THSD7A: variants seen among roughly 807,000 people sequenced by gnomAD.
THSD7A encodes the protein thrombospondin type-1 domain-containing protein 7A.
Under a neutral mutation model 231.3 loss-of-function variants are expected in THSD7A, and 96 were observed. The ratio of observed to expected loss-of-function variants is 0.41; its 90% confidence interval spans 0.35 to 0.49. The LOEUF (loss-of-function observed/expected upper bound fraction) is 0.49, where lower values mean the gene tolerates loss of function less well. Among genes scored for constraint, THSD7A ranks in the 20% least tolerant of loss-of-function variants. THSD7A has a pLI of 0.05. For missense variants in THSD7A, 2,290 were observed against 2,070.2 expected (o/e 1.11, Z -2.06); for synonymous variants, 940 against 743.3 (o/e 1.26, Z -4.30).
At chr7:11,534,761 G>C (rs1005167046) in intron 6 of THSD7A, among the ~76,000 whole-genome samples, 3 of 152,176 alleles carry the variant, frequency 2.0e-5, no homozygotes, top group African/African-American at 7.2e-5. Flanking sequence ...GCAAGCAAGA[G>C]GCTCACTAAT....
intron 23 of THSD7A, among the ~76,000 whole-genome samples, chr7:11,394,274 C>T (rs1045004394): frequency 6.6e-6 from 1 of 152,024 alleles, no homozygotes; most frequent in Non-Finnish European, 1.5e-5. Flanking sequence ...GCTTCATAAG[C>T]AAAGGAGAAA....
At chr7:11,713,922 AG>A (rs1781046052) in intron 1 of THSD7A, among the ~76,000 whole-genome samples, 1 of 151,340 alleles carries the variant, frequency 6.6e-6, no homozygotes, top group South Asian at 2.1e-4. Context: ...GGTCAATCAA[AG>A]ACAGTTCTTT....
intron 1 of THSD7A, among the ~76,000 whole-genome samples, chr7:11,685,203 C>T (rs997067780): frequency 5.3e-5 from 8 of 151,820 alleles, no homozygotes; most frequent in Non-Finnish European, 1.0e-4. Context: ...CTATACCTCT[C>T]ATCATATACA....
At chr7:11,610,378 G>C (rs1471977170) in intron 2 of THSD7A, among the ~76,000 whole-genome samples, 1 of 152,046 alleles carries the variant, frequency 6.6e-6, no homozygotes, top group Admixed American at 6.6e-5. Flanking sequence ...CATTTGATAA[G>C]CATGATGTAG....
At chr7:11,703,765 T>C (rs1459029441) in intron 1 of THSD7A, among the ~76,000 whole-genome samples, 1 of 151,192 alleles carries the variant, frequency 6.6e-6, no homozygotes, top group Non-Finnish European at 1.5e-5. Flanking sequence ...TAGACTTGGA[T>C]GGACAATAGA....
At chr7:11,817,296 G>A (rs1368192859) in intron 1 of THSD7A, among the ~76,000 whole-genome samples, 1 of 152,158 alleles carries the variant, frequency 6.6e-6, no homozygotes, top group Non-Finnish European at 1.5e-5. Context: ...GGTTTTACAA[G>A]CAAAGGAACT....
At chr7:11,741,547 AT>A (rs1782115681) in intron 1 of THSD7A, among the ~76,000 whole-genome samples, 1 of 151,928 alleles carries the variant, frequency 6.6e-6, no homozygotes, top group Non-Finnish European at 1.5e-5. Flanking sequence ...ATGTTGCATT[AT>A]TTTTATAATA....
chr7:11,672,048 A>G (rs1366653300), intron 1 of THSD7A, among the ~76,000 whole-genome samples: 1 of 152,184 alleles, frequency 6.6e-6, no homozygotes, highest in Non-Finnish European at 1.5e-5. Context: ...GGGATAATTT[A>G]AATGTTAACT....
chr7:11,564,024 A>G (rs1790192115), intron 4 of THSD7A, among the ~76,000 whole-genome samples: 1 of 152,170 alleles, frequency 6.6e-6, no homozygotes. Flanking sequence ...ACATTTTTAC[A>G]TAAACCTGTT....
chr7:11,647,322 G>C (rs1432602162), intron 1 of THSD7A, among the ~76,000 whole-genome samples: 1 of 152,012 alleles, frequency 6.6e-6, no homozygotes, highest in African/African-American at 2.4e-5. Context: ...TGACTCAGGG[G>C]AACGATGGAG....
intron 6 of THSD7A, among the ~76,000 whole-genome samples, chr7:11,518,692 T>TCA (rs1173818397): frequency 6.6e-6 from 1 of 152,158 alleles, no homozygotes; most frequent in African/African-American, 2.4e-5. Context: ...TTGCTATGCA[T>TCA]GTGCTATGTG....
At position 11,411,826 on chromosome 7, in the gene THSD7A, A is replaced by C. The variant is rs1011496845; in HGVS notation, c.3683-504T>G. Among the ~76,000 whole-genome samples the C allele has an allele frequency of 6.6e-6, 1 of 152,216 alleles. No individual in the cohort carries two copies. The highest frequency in any genetic ancestry group is 1.9e-4 in the East Asian group (1 of 5,168). ...AAAATCACTTTGGCCATATTTATTC[A>C]TTCTCTTATGTCTTTCGTAAGAAGA... On this transcript the variant is annotated intron_variant, in intron 18 of 27. Coordinates refer to ENST00000423059, the MANE Select transcript of THSD7A (RefSeq NM_015204.3). This position sits in a 1 kb window ranked among gnomAD's most constrained non-coding sequence, Gnocchi z 4.1.
intron 1 of THSD7A, among the ~76,000 whole-genome samples, chr7:11,644,581 T>C (rs1562437271): frequency 6.6e-6 from 1 of 151,962 alleles, no homozygotes; most frequent in Non-Finnish European, 1.5e-5. Context: ...AGCTTTCACC[T>C]TCAATGAGTA....
Position 11,548,996 on chromosome 7 carries a change from A to G in THSD7A, c.1454-5879T>C, listed in dbSNP as rs537088642. Among the ~76,000 whole-genome samples the G allele has an allele frequency of 1.1e-3, 173 of 152,268 alleles. 1 individual carries two copies. The Middle Eastern group carries it at 0.014, about 12-fold the overall frequency. On this transcript the variant is annotated intron_variant, in intron 4 of 27. Transcript: ENST00000423059. The stretch of plus-strand genomic sequence containing the variant: ...CTACACAATAGGAGAAAAGTTTTGC[A>G]ATCTATCCATCTGACAAAGGTCTAA...
intron 1 of THSD7A, among the ~76,000 whole-genome samples, chr7:11,680,264 G>A (rs970746457): frequency 2.6e-5 from 4 of 152,128 alleles, no homozygotes; most frequent in Admixed American, 2.6e-4. Flanking sequence ...GAAAACCTAG[G>A]CAATACCATT....
At chr7:11,415,658 T>TA (rs1228061100) in intron 17 of THSD7A, among the ~76,000 whole-genome samples, 3 of 152,194 alleles carry the variant, frequency 2.0e-5, no homozygotes, top group Non-Finnish European at 2.9e-5. Context: ...CACAGGAATA[T>TA]AACTATTTGC....
intron 6 of THSD7A, among the ~76,000 whole-genome samples, chr7:11,497,626 GA>G (rs1787157129): frequency 6.6e-6 from 1 of 152,214 alleles, no homozygotes; most frequent in Non-Finnish European, 1.5e-5. Context: ...TTTCCACTTG[GA>G]AAATGTTTAT....
intron 8 of THSD7A, among the ~76,000 whole-genome samples, chr7:11,471,192 T>C (rs1408744469): frequency 6.6e-6 from 1 of 151,992 alleles, no homozygotes; most frequent in African/African-American, 2.4e-5. Flanking sequence ...TAAGCAATTC[T>C]CTTTTGAAGT....
chr7:11,793,995 T>A (rs1240987649), intron 1 of THSD7A, among the ~76,000 whole-genome samples: 1 of 151,774 alleles, frequency 6.6e-6, no homozygotes, highest in East Asian at 1.9e-4. Flanking sequence ...GAATTTTAGA[T>A]CCCATTTTCA....
Sources: allele counts gnomAD v4.1 joint callset (sites outside exome capture counted in the v4.1 genomes callset), GRCh38; gene constraint gnomAD v4.1.1; non-coding constraint Gnocchi (gnomAD v3.1); transcripts MANE v1.5; gene names NCBI Gene and HGNC (gene_info 2026-07-23, HGNC 2026-07-21).